The following ZNF420 variants were observed in gnomAD, a reference collection of about 807,000 sequenced individuals.
The protein encoded by ZNF420 is zinc finger protein 420.
Under a neutral mutation model 44.7 loss-of-function variants are expected in ZNF420, and 31 were observed. The observed-to-expected ratio is 0.69, with a 90% CI of 0.52 to 0.94. ZNF420 has a LOEUF of 0.94. Ranked by LOEUF, ZNF420 falls within the 40% of genes least tolerant of loss-of-function variation. ZNF420 has a pLI of 0.00. For synonymous variants in ZNF420, 245 were observed against 267.4 expected (o/e 0.92, Z 0.82); for missense variants, 681 against 827.9 (o/e 0.82, Z 2.18).
chr19:37,124,470 C>G (rs1408673014), intron 4 of ZNF420, among the ~76,000 whole-genome samples: 1 of 152,156 alleles, frequency 6.6e-6, no homozygotes, highest in East Asian at 1.9e-4. Flanking sequence ...ACTAATGTGA[C>G]TGCTGTATCA....
At chr19:37,083,604 G>A (rs1411904502) in intron 2 of ZNF420, among the ~76,000 whole-genome samples, 1 of 152,192 alleles carries the variant, frequency 6.6e-6, no homozygotes, top group Non-Finnish European at 1.5e-5. Flanking sequence ...TGTATGGCAA[G>A]TGGAAGGTTT....
At chr19:37,076,996 G>T (rs1040389940), upstream of ZNF420, among the ~76,000 whole-genome samples, 2 of 152,032 alleles carry the variant, frequency 1.3e-5, no homozygotes, top group Admixed American at 1.3e-4. Context: ...TCACATTACC[G>T]GTAAGAGATC....
chr19:37,122,380 G>A (rs191757069), intron 4 of ZNF420, among the ~76,000 whole-genome samples: 58 of 150,284 alleles, frequency 3.9e-4, no homozygotes, highest in South Asian at 1.5e-3. Context: ...ACCAAACACC[G>A]CATGTTCTCA....
At position 37,084,875 on chromosome 19, in the gene ZNF420, A is replaced by AT. The variant is rs754230713; in HGVS notation, c.-80-4155dup. Among the ~76,000 whole-genome samples the AT allele has an allele frequency of 7.9e-5, 12 of 151,440 alleles. No individual in the cohort carries two copies. The South Asian group carries it at 1.5e-3, about 18-fold the overall frequency. On this transcript the variant is annotated intron_variant, in intron 2 of 4. Transcript: ENST00000337995. ...GTGGTCCAGTCTCCACTTTGGTAAT[A>AT]TTTTTTTTTGAAAACTTGATAGGGG...
At chr19:37,127,031 G>T in intron 4 of ZNF420, 97 bp from the exon 5 acceptor site, 1 of 1,041,056 alleles carries the variant, frequency 9.6e-7, no homozygotes, top group South Asian at 2.5e-5. Flanking sequence ...ACAAACTCAT[G>T]TATGTCTGTT....
At chr19:37,125,865 C>T (rs925649450) in intron 4 of ZNF420, among the ~76,000 whole-genome samples, 6 of 152,208 alleles carry the variant, frequency 3.9e-5, no homozygotes, top group Non-Finnish European at 4.4e-5. Context: ...TACTGTTTCT[C>T]CTTTATTCCT....
chr19:37,116,054 C>A (rs914883383), intron 4 of ZNF420, among the ~76,000 whole-genome samples: 4 of 152,128 alleles, frequency 2.6e-5, no homozygotes, highest in Admixed American at 2.6e-4. Flanking sequence ...AGATTAATAG[C>A]ATCTCAAGGC....
intron 1 of ZNF420, among the ~76,000 whole-genome samples, chr19:37,059,316 C>G (rs1178634943): frequency 6.6e-6 from 1 of 152,230 alleles, no homozygotes; most frequent in Non-Finnish European, 1.5e-5. Context: ...GCCATTGTTT[C>G]AAGGGGCCGC....
In ZNF420 at chr19:37,130,205, A is replaced by G; in HGVS notation, c.*1147A>G. ...GGTATCTGGGTGTTATGGATCATGG[A>G]GCAGAAATACAGAAGGAGTCTGCAA... On this transcript the variant is annotated 3_prime_UTR_variant, in exon 5 of 5. Transcript: ENST00000337995. 10 of 1,549,680 alleles carry G rather than the reference A, an allele frequency of 6.5e-6. No homozygotes were observed. The highest frequency in any genetic ancestry group is 2.4e-5 in the East Asian group (1 of 40,860).
At chr19:37,051,211 G>T (rs553454900) in intron 1 of ZNF420, among the ~76,000 whole-genome samples, 1 of 152,274 alleles carries the variant, frequency 6.6e-6, no homozygotes, top group Non-Finnish European at 1.5e-5. Flanking sequence ...CCAGGCTTTG[G>T]TATCAGGATG....
intron 4 of ZNF420, among the ~76,000 whole-genome samples, chr19:37,092,851 A>C (rs543904012): frequency 6.6e-6 from 1 of 152,350 alleles, no homozygotes; most frequent in Admixed American, 6.5e-5. Flanking sequence ...CACAATAGCC[A>C]AAAAGTGGGA....
intron 2 of ZNF420, among the ~76,000 whole-genome samples, chr19:37,087,954 C>G (rs572143531): frequency 9.1e-4 from 139 of 152,268 alleles, no homozygotes; most frequent in African/African-American, 3.1e-3. Flanking sequence ...CGATTTCTAG[C>G]TTTTGAAGGA....
intron 1 of ZNF420, among the ~76,000 whole-genome samples, chr19:37,017,932 CAAA>C (rs1181914679): frequency 6.6e-6 from 1 of 151,912 alleles, no homozygotes; most frequent in Non-Finnish European, 1.5e-5. Context: ...ACTCCATAAA[CAAA>C]AAACAACTAA....
At chr19:37,018,549 T>C (rs1163312252) in intron 1 of ZNF420, among the ~76,000 whole-genome samples, 3 of 152,182 alleles carry the variant, frequency 2.0e-5, no homozygotes, top group Non-Finnish European at 2.9e-5. Context: ...TAAAAAAGAA[T>C]AAAGTTGAAC....
At chr19:37,095,634 T>C (rs1010741602) in intron 4 of ZNF420, among the ~76,000 whole-genome samples, 1 of 152,150 alleles carries the variant, frequency 6.6e-6, no homozygotes, top group African/African-American at 2.4e-5. Flanking sequence ...GTCTCATTCT[T>C]GTTGCCCAGG....
intron 2 of ZNF420, among the ~76,000 whole-genome samples, chr19:37,086,205 C>G (rs1461969486): frequency 6.6e-6 from 1 of 152,030 alleles, no homozygotes; most frequent in African/African-American, 2.4e-5. Flanking sequence ...TCTGCATTCC[C>G]TTAGCAGTGA....
chr19:37,053,260 A>C (rs35125214), intron 1 of ZNF420, among the ~76,000 whole-genome samples: 79,465 of 151,938 alleles, frequency 0.52, 21,508 homozygotes, highest in African/African-American at 0.63. Context: ...GTTATCCATT[A>C]GTCTAATTTT....
rs185175154 is a variant in ZNF420 at position 37,069,126 on chromosome 19, T to C, written c.-124-11219T>C. On this transcript the variant is annotated intron_variant, in intron 1 of 4. Transcript: ENST00000587029. ...TGTATTTTTAAAACAGTTACTATTA[T>C]ACACAATAGCTGCAAAAGACAAATT... 1.1e-3 allele frequency among the ~76,000 whole-genome samples: 170 copies of C among 152,296 alleles called. 2 individuals carry two copies. In the Middle Eastern group the frequency reaches 0.024, roughly 21 times the overall value.
chr19:37,110,162 G>A (rs1970311588), intron 4 of ZNF420, among the ~76,000 whole-genome samples: 1 of 152,166 alleles, frequency 6.6e-6, no homozygotes, highest in South Asian at 2.1e-4. Flanking sequence ...CTCCTGTCTG[G>A]CAGGTTGTCC....
Sources: gnomAD v4.1 joint callset for allele counts (sites outside exome capture counted in the v4.1 genomes callset) on GRCh38, gnomAD v4.1.1 for gene constraint, MANE v1.5 for transcripts, NCBI Gene and HGNC (gene_info 2026-07-23, HGNC 2026-07-21) for gene names.